SIPA1L1: variants seen among roughly 807,000 people sequenced by gnomAD.
The protein encoded by SIPA1L1 is signal-induced proliferation-associated 1-like protein 1.
A neutral mutation model predicts 162.7 loss-of-function variants in SIPA1L1; 26 were observed. That is an observed-to-expected ratio of 0.16 (90% CI 0.12 to 0.22). SIPA1L1 has a LOEUF of 0.22. Among genes scored for constraint, SIPA1L1 ranks in the 10% least tolerant of loss-of-function variants. SIPA1L1 has a pLI of 1.00. For missense variants in SIPA1L1, 1,874 were observed against 2,241.0 expected (o/e 0.84, Z 3.31); for synonymous variants, 829 against 837.4 (o/e 0.99, Z 0.17).
chr14:71,702,768 A>T (rs1268397175), intron 15 of SIPA1L1, among the ~76,000 whole-genome samples: 1 of 152,230 alleles, frequency 6.6e-6, no homozygotes, highest in Admixed American at 6.5e-5. Context: ...AGACTACCAG[A>T]CTAAGTACCT....
At chr14:71,472,720 C>G (rs1254607396) in intron 2 of SIPA1L1, among the ~76,000 whole-genome samples, 3 of 149,696 alleles carry the variant, frequency 2.0e-5, no homozygotes, top group South Asian at 2.1e-4. Context: ...ACCAAGTTTC[C>G]TATTATCTTG....
intron 7 of SIPA1L1, among the ~76,000 whole-genome samples, chr14:71,639,121 C>G (rs1267927855): frequency 2.6e-5 from 4 of 152,188 alleles, no homozygotes; most frequent in African/African-American, 9.7e-5. Flanking sequence ...AATCAAAACC[C>G]TAATGTTGGG....
intron 4 of SIPA1L1, among the ~76,000 whole-genome samples, chr14:71,585,781 A>T (rs544364272): frequency 6.6e-6 from 1 of 152,234 alleles, no homozygotes; most frequent in Non-Finnish European, 1.5e-5. Context: ...AGTATTATTT[A>T]TGCTATGTAG....
intron 2 of SIPA1L1, among the ~76,000 whole-genome samples, chr14:71,488,313 A>G (rs1424590329): frequency 2.6e-5 from 4 of 152,158 alleles, no homozygotes; most frequent in Non-Finnish European, 5.9e-5. Flanking sequence ...TAAAATATAT[A>G]TATATAATTT....
chr14:71,401,009 G>A (rs895104870), intron 2 of SIPA1L1: 5 of 152,192 alleles, frequency 3.3e-5, no homozygotes, highest in East Asian at 1.9e-4. Context: ...CCTCCACAAC[G>A]AAGGAGCAGT....
At chr14:71,665,315 C>T (rs2043895694) in intron 10 of SIPA1L1, among the ~76,000 whole-genome samples, 1 of 152,094 alleles carries the variant, frequency 6.6e-6, no homozygotes, top group Non-Finnish European at 1.5e-5. Flanking sequence ...ATTATACCTC[C>T]CTGGGGACTA....
intron 3 of SIPA1L1, among the ~76,000 whole-genome samples, chr14:71,517,826 A>T (rs1401289890): frequency 6.6e-6 from 1 of 152,058 alleles, no homozygotes; most frequent in African/African-American, 2.4e-5. Flanking sequence ...TAACTTTTAT[A>T]TATTTTTCTC....
chr14:71,512,479 C>T (rs1265014387), intron 2 of SIPA1L1, among the ~76,000 whole-genome samples: 4 of 150,690 alleles, frequency 2.7e-5, no homozygotes, highest in African/African-American at 4.9e-5. Flanking sequence ...CCCAGCTACT[C>T]GAGAGGTTGA....
intron 17 of SIPA1L1, among the ~76,000 whole-genome samples, chr14:71,710,806 TCA>T: frequency 1.1e-5 from 1 of 89,326 alleles, no homozygotes; most frequent in East Asian, 3.1e-4. Flanking sequence ...AGATTCTGTC[TCA>T]AAAAAAAAAA....
At chr14:71,406,607 A>G (rs2042044647) in intron 2 of SIPA1L1, among the ~76,000 whole-genome samples, 1 of 152,198 alleles carries the variant, frequency 6.6e-6, no homozygotes, top group South Asian at 2.1e-4. Flanking sequence ...TTATTTTTTA[A>G]TAAGCCATAT....
At chr14:71,403,093 A>G (rs1224609808) in intron 2 of SIPA1L1, among the ~76,000 whole-genome samples, 1 of 152,156 alleles carries the variant, frequency 6.6e-6, no homozygotes, top group Non-Finnish European at 1.5e-5. Flanking sequence ...AATGCCACTT[A>G]TATGTTCATT....
Position 71,724,711 on chromosome 14 carries a change from T to C in SIPA1L1, c.4490T>C (p.Leu1497Pro). Residue 1497 changes from leucine (L) to proline (P), a missense_variant, in exon 19 of 24, where the codon CTG becomes CCG. By Grantham distance (98) the Leu-to-Pro change is moderately conservative (BLOSUM62 -3). Coordinates refer to ENST00000381232, the MANE Select transcript of SIPA1L1 (RefSeq NM_001386936.1). ...GGCAATGAAATAGCCCACACCAGGC[T>C]GCGTGCCTCAACCAGAGACCTCCGG... Reference protein sequence around the residue: ...SDGNEIAHTRLRASTRDLRAS... With the variant: ...SDGNEIAHTRPRASTRDLRAS... 1 of 1,614,194 alleles carries C rather than the reference T, an allele frequency of 6.2e-7. No homozygotes were observed. The highest frequency in any genetic ancestry group is 8.5e-7 in the Non-Finnish European group (1 of 1,180,030).
chr14:71,726,027 A>G (rs1354875753), intron 19 of SIPA1L1, among the ~76,000 whole-genome samples: 1 of 152,164 alleles, frequency 6.6e-6, no homozygotes, highest in African/African-American at 2.4e-5. Context: ...GCACCATGCT[A>G]GCGTGTGTGT....
chr14:71,359,942 A>G (rs1466100287), intron 2 of SIPA1L1, among the ~76,000 whole-genome samples: 1 of 152,194 alleles, frequency 6.6e-6, no homozygotes, highest in Non-Finnish European at 1.5e-5. Context: ...AAGTGGTTTA[A>G]AAGGTTTTTG....
chr14:71,685,709 T>C, intron 13 of SIPA1L1, 78 bp downstream of exon 13: 1 of 1,524,652 alleles, frequency 6.6e-7, no homozygotes, highest in Non-Finnish European at 8.9e-7. Context: ...GCACTAGTTT[T>C]AGGCCTTCTC....
intron 17 of SIPA1L1, among the ~76,000 whole-genome samples, chr14:71,717,957 A>G (rs2083395072): frequency 6.6e-6 from 1 of 152,236 alleles, no homozygotes; most frequent in African/African-American, 2.4e-5. Context: ...ACAGGTGGCC[A>G]TGTTCTGTGG....
chr14:71,519,736 G>T (rs770324271), intron 3 of SIPA1L1, among the ~76,000 whole-genome samples: 3 of 152,024 alleles, frequency 2.0e-5, no homozygotes, highest in Non-Finnish European at 4.4e-5. Flanking sequence ...GGAGACTGAG[G>T]CAGGATTATT....
At chr14:71,540,230 C>T (rs1469306041) in intron 4 of SIPA1L1, among the ~76,000 whole-genome samples, 1 of 152,142 alleles carries the variant, frequency 6.6e-6, no homozygotes, top group Non-Finnish European at 1.5e-5. Context: ...AGGGGAAGAG[C>T]GGGGCTGATC....
chr14:71,472,283 A>G (rs2047522359), intron 2 of SIPA1L1, among the ~76,000 whole-genome samples: 1 of 151,952 alleles, frequency 6.6e-6, no homozygotes. Context: ...ATGTTATGTT[A>G]TCTGATTAAA....
Sources: allele counts gnomAD v4.1 joint callset (sites outside exome capture counted in the v4.1 genomes callset), GRCh38; gene constraint gnomAD v4.1.1; transcripts MANE v1.5; gene names NCBI Gene and HGNC (gene_info 2026-07-23, HGNC 2026-07-21).